The following SLC41A3 variants were observed in gnomAD, a reference collection of about 807,000 sequenced individuals.
The protein encoded by SLC41A3 is solute carrier family 41 member 3, also known as SLC41A1-like 2.
Under a neutral mutation model 45.4 loss-of-function variants are expected in SLC41A3, and 44 were observed. The ratio of observed to expected loss-of-function variants is 0.97; its 90% CI spans 0.76 to 1.25. SLC41A3 has a LOEUF of 1.25. Among genes scored for constraint, SLC41A3 ranks in the 50% most tolerant of loss-of-function variants. The pLI, the probability that SLC41A3 is intolerant of heterozygous loss-of-function variation, is 0.00. For synonymous variants in SLC41A3, 256 were observed against 252.4 expected (o/e 1.01, Z -0.13); for missense variants, 550 against 600.6 (o/e 0.92, Z 0.88).
intron 1 of SLC41A3, among the ~76,000 whole-genome samples, chr3:126,094,040 C>T (rs1053138509): frequency 2.0e-5 from 3 of 152,150 alleles, no homozygotes; most frequent in Non-Finnish European, 4.4e-5. Context: ...GCCTGATGGA[C>T]AACCTGGGAC....
chr3:126,095,437 A>G (rs972853402), intron 1 of SLC41A3: 2 of 492,836 alleles, frequency 4.1e-6, no homozygotes, highest in Admixed American at 3.7e-5. Context: ...GCCAGTCACA[A>G]TGAGTAATTT....
At position 126,067,852 on chromosome 3, in the gene SLC41A3, G is replaced by A. The variant is rs4308225; in HGVS notation, c.273+95C>T. On this transcript the variant is annotated intron_variant, in intron 2 of 10. Coordinates refer to ENST00000360370, the MANE Select transcript of SLC41A3 (RefSeq NM_017836.4). ...AAATGGCTTTTCAAGAGGACTGCCC[G>A]ACAACCTTTAAGCTCAACCTTACAT... is the stretch of plus-strand genomic sequence containing the variant. 998,714 of 1,464,258 alleles carry A rather than the reference G, an allele frequency of 0.68. 342,154 individuals carry two copies. Among genetic ancestry groups the A allele is most frequent in the Admixed American group, 0.73 (30,880 of 42,118 alleles). The allele number at this position is 1,464,258 out of a possible 1,614,324, so 90.7% of individuals were successfully genotyped here.
intron 1 of SLC41A3, among the ~76,000 whole-genome samples, chr3:126,100,666 A>C (rs1273364140): frequency 6.6e-6 from 1 of 152,244 alleles, no homozygotes; most frequent in Non-Finnish European, 1.5e-5. Flanking sequence ...CTCTATGAGA[A>C]GCAGTTATCT....
chr3:126,050,027 T>C (rs1943221962), intron 3 of SLC41A3, among the ~76,000 whole-genome samples: 1 of 152,194 alleles, frequency 6.6e-6, no homozygotes, highest in Non-Finnish European at 1.5e-5. Context: ...AGGACCCCTG[T>C]GGTTACACTG....
rs189659903 is a variant in SLC41A3, at chr3:126,054,216, C to T, written c.274-3166G>A. Reference sequence around the variant, plus strand: ...AAGTCCTATGAACCCCAAAGACACACAGGCATATGTCAAGAACAGTCAACG... The same window carrying T: ...AAGTCCTATGAACCCCAAAGACACATAGGCATATGTCAAGAACAGTCAACG... On this transcript the variant is annotated intron_variant, in intron 2 of 10. Coordinates refer to ENST00000360370, the MANE Select transcript of SLC41A3 (RefSeq NM_017836.4). Among the ~76,000 whole-genome samples the T allele has an allele frequency of 4.1e-4, 63 of 152,292 alleles. No homozygotes were observed. The East Asian group carries it at 9.5e-3, about 23-fold the overall frequency.
At chr3:126,039,755 T>G (rs1349513746) in intron 3 of SLC41A3, among the ~76,000 whole-genome samples, 1 of 152,236 alleles carries the variant, frequency 6.6e-6, no homozygotes, top group Non-Finnish European at 1.5e-5. Context: ...TTAAAAGAGA[T>G]ACTTTGAGGC....
chr3:126,078,770 G>T (rs1559889736), intron 1 of SLC41A3, among the ~76,000 whole-genome samples: 1 of 151,988 alleles, frequency 6.6e-6, no homozygotes, highest in Non-Finnish European at 1.5e-5. Flanking sequence ...CCTCTCAAGG[G>T]GTCGCACCTA....
At chr3:126,042,420 A>G (rs1424442944) in intron 3 of SLC41A3, among the ~76,000 whole-genome samples, 1 of 151,764 alleles carries the variant, frequency 6.6e-6, no homozygotes, top group East Asian at 1.9e-4. Flanking sequence ...ATTGGTGAAG[A>G]TTTTTCCCTA....
At chr3:126,007,526 C>A (rs530194311) in intron 10 of SLC41A3, among the ~76,000 whole-genome samples, 1 of 152,326 alleles carries the variant, frequency 6.6e-6, no homozygotes, top group South Asian at 2.1e-4. Flanking sequence ...GCGATAGGCT[C>A]TACTCATGGG....
chr3:126,098,459 A>G lies in SLC41A3; in HGVS notation c.-79+2970T>C, dbSNP rs536091810. Among the ~76,000 whole-genome samples the G allele has an allele frequency of 3.3e-5, 5 of 152,374 alleles. No homozygotes were observed. The South Asian group carries it at 1.0e-3, about 32-fold the overall frequency. On this transcript the variant is annotated intron_variant, in intron 1 of 9. Transcript: ENST00000508835. Reference sequence around the variant, plus strand: ...AAGCCCCTGGGCCATGGTATTTTGCAATGAGCTGCTATAACAGTATGGCGC... The same window carrying G: ...AAGCCCCTGGGCCATGGTATTTTGCGATGAGCTGCTATAACAGTATGGCGC...
At chr3:126,058,943 A>G (rs1311352807) in intron 2 of SLC41A3, among the ~76,000 whole-genome samples, 1 of 152,038 alleles carries the variant, frequency 6.6e-6, no homozygotes, top group East Asian at 1.9e-4. Flanking sequence ...TCTCAGCCAG[A>G]GCCTAACAGC....
rs1286144045 is a variant in SLC41A3 at position 126,015,554 on chromosome 3, T to C, written c.910A>G (p.Ser304Gly). The change falls in exon 8 of 11, where the codon AGC becomes GGC. Residue 304 changes from serine (S) to glycine (G), a missense_variant. Ser to Gly is a moderately conservative substitution (Grantham distance 56). Coordinates refer to ENST00000360370, the MANE Select transcript of SLC41A3 (RefSeq NM_017836.4). ...VISSFGGLIL[S>G]KTVSKQQYKG... ...TACTGCTGTTTAGAAACGGTTTTGCTCAAGATGAGTCCTCCGAAACTGGGG... is the reference window on the plus strand; with the variant it reads ...TACTGCTGTTTAGAAACGGTTTTGCCCAAGATGAGTCCTCCGAAACTGGGG... 6.2e-7 allele frequency: 1 copy of C among 1,614,188 alleles called. No homozygotes were observed. Among genetic ancestry groups the C allele is most frequent in the South Asian group, 1.1e-5 (1 of 91,088 alleles).
chr3:126,009,260 T>A (rs1480589535), intron 9 of SLC41A3, among the ~76,000 whole-genome samples: 2 of 151,436 alleles, frequency 1.3e-5, no homozygotes, highest in African/African-American at 4.9e-5. Context: ...GGGAGAGGAG[T>A]TTGAGCAGAG....
chr3:126,088,056 AATAG>A (rs1335390268), upstream of SLC41A3, among the ~76,000 whole-genome samples: 4 of 152,082 alleles, frequency 2.6e-5, no homozygotes, highest in African/African-American at 9.6e-5. Context: ...GGCCTTAGAT[AATAG>A]ATCTCTCCTT....
chr3:126,033,778 T>TA, intron 3 of SLC41A3, 100 bp from the exon 4 acceptor site: 1 of 1,233,320 alleles, frequency 8.1e-7, no homozygotes. Flanking sequence ...AATCAACAAA[T>TA]ACCATTTCAT....
At chr3:126,069,147 A>G (rs1234876279) in intron 1 of SLC41A3, among the ~76,000 whole-genome samples, 1 of 152,006 alleles carries the variant, frequency 6.6e-6, no homozygotes, top group Non-Finnish European at 1.5e-5. Context: ...CCAACCTAAT[A>G]GGCCACCAAT....
intron 2 of SLC41A3, among the ~76,000 whole-genome samples, chr3:126,059,063 G>A (rs1052337392): frequency 2.6e-5 from 4 of 151,156 alleles, no homozygotes; most frequent in African/African-American, 4.9e-5. Flanking sequence ...TCCCTGGCAC[G>A]CACCCCTCCT....
chr3:126,034,239 A>G (rs561853793), intron 3 of SLC41A3, among the ~76,000 whole-genome samples: 2 of 152,348 alleles, frequency 1.3e-5, no homozygotes, highest in Admixed American at 6.5e-5. Flanking sequence ...AGGAACACAT[A>G]TAAGTCTCTC....
intron 3 of SLC41A3, among the ~76,000 whole-genome samples, chr3:126,044,452 T>C (rs1942807923): frequency 1.3e-5 from 2 of 152,158 alleles, no homozygotes; most frequent in Non-Finnish European, 2.9e-5. Context: ...CACTAGGAAC[T>C]GACTGGACCT....
Sources: allele counts gnomAD v4.1 joint callset (sites outside exome capture counted in the v4.1 genomes callset), GRCh38; gene constraint gnomAD v4.1.1; transcripts MANE v1.5; gene names NCBI Gene and HGNC (gene_info 2026-07-23, HGNC 2026-07-21).